The following TMEM218 variants were observed in gnomAD, a reference collection of about 807,000 sequenced individuals.
TMEM218 encodes transmembrane protein 218.
TMEM218 carries 8 observed loss-of-function variants against 10.0 expected under a neutral mutation model. That is an observed-to-expected ratio of 0.80 (90% CI 0.47 to 1.44). TMEM218 has a LOEUF of 1.44. TMEM218 is among the 40% of genes most tolerant of loss of function. The pLI, the probability that TMEM218 is intolerant of heterozygous loss-of-function variation, is 0.00. For synonymous variants in TMEM218, 66 were observed against 63.5 expected, an observed-to-expected ratio of 1.04 and a Z score of -0.18; for missense variants, 110 against 140.1, an observed-to-expected ratio of 0.79 and a Z score of 1.08.
Position 125,096,327 on chromosome 11 carries a change from T to G in TMEM218, c.*1279A>C, listed in dbSNP as rs1949645701. ...TGAAAACAGAATTGAGGAGAGAAAG[T>G]GAAGGAACAGTGTGGCCTTAACCTA... On this transcript the variant is annotated 3_prime_UTR_variant, in exon 5 of 5. Transcript: ENST00000682305. 6.6e-6 allele frequency among the ~76,000 whole-genome samples: 1 copy of G among 152,140 alleles called. No individual in the cohort carries two copies. The highest frequency in any genetic ancestry group is 2.4e-5 in the African/African-American group (1 of 41,414).
intron 1 of TMEM218, among the ~76,000 whole-genome samples, chr11:125,107,841 T>C (rs1373627200): frequency 6.9e-6 from 1 of 145,530 alleles, no homozygotes; most frequent in Non-Finnish European, 1.5e-5. Context: ...ATATAAAAGA[T>C]GAGTAAGATT....
chr11:125,100,989 T>C (rs1950628830), intron 4 of TMEM218, among the ~76,000 whole-genome samples: 1 of 152,168 alleles, frequency 6.6e-6, no homozygotes, highest in Non-Finnish European at 1.5e-5. Flanking sequence ...CTGGTGGGGT[T>C]GTAGATGGAA....
intron 2 of TMEM218, 182 bp from the exon 3 acceptor site, chr11:125,102,499 CTGAGAGGGT>C: frequency 6.8e-7 from 1 of 1,461,662 alleles, no homozygotes; most frequent in Non-Finnish European, 9.0e-7. Flanking sequence ...TTGGTGGGGA[CTGAGAGGGT>C]GTTTTCCGCT....
chr11:125,100,671 G>C (rs1204308540), intron 4 of TMEM218, among the ~76,000 whole-genome samples: 1 of 152,174 alleles, frequency 6.6e-6, no homozygotes, highest in Non-Finnish European at 1.5e-5. Flanking sequence ...AGACATGGGT[G>C]CTGGCAGGTA....
In TMEM218 at chr11:125,097,541, C is replaced by A. The variant is rs1321390912; in HGVS notation, c.*65G>T. On this transcript the variant is annotated 3_prime_UTR_variant, in exon 5 of 5. Transcript: ENST00000682305. ...TGTCAAAACAAGGCTCTGAATAGTG[C>A]CTTCCTGCTCATCAATGTCATCACA... 1.0e-5 allele frequency: 16 copies of A among 1,579,264 alleles called. No homozygotes were observed. Among genetic ancestry groups the A allele is most frequent in the Non-Finnish European group, 1.4e-5 (16 of 1,156,206 alleles).
At chr11:125,106,408 A>G (rs1952161170) in intron 1 of TMEM218, among the ~76,000 whole-genome samples, 1 of 152,240 alleles carries the variant, frequency 6.6e-6, no homozygotes, top group African/African-American at 2.4e-5. Flanking sequence ...ACCTAACAAC[A>G]AAACCTCCAA....
At chr11:125,109,167 T>A (rs1029760351) in intron 1 of TMEM218, among the ~76,000 whole-genome samples, 1 of 128,458 alleles carries the variant, frequency 7.8e-6, no homozygotes, top group Non-Finnish European at 1.7e-5. Context: ...TTGATCTATA[T>A]GTATTGATGT....
intron 1 of TMEM218, chr11:125,103,699 C>T (rs1275158772): frequency 6.6e-6 from 1 of 152,176 alleles, no homozygotes; most frequent in Non-Finnish European, 1.5e-5. Context: ...AGGATGCGGA[C>T]ATATATTTTT....
intron 1 of TMEM218, chr11:125,104,950 T>C (rs1214734469): frequency 6.6e-6 from 1 of 152,200 alleles, no homozygotes; most frequent in Non-Finnish European, 1.5e-5. Flanking sequence ...CCTAAAAGTC[T>C]ACGAGGGTCC....
In TMEM218 at chr11:125,102,775, C is replaced by G. The variant is rs549168681; in HGVS notation, c.-118G>C. ...AGACAGAAAGTTCCCACTCTGTTGT[C>G]GAGTTCTTATTCAAGAGGATGAAAA... On this transcript the variant is annotated 5_prime_UTR_variant, in exon 2 of 5. Transcript: ENST00000682305. The G allele has an allele frequency of 4.9e-6, 6 of 1,217,326 alleles. No individual in the cohort carries two copies. In the Admixed American group the frequency reaches 1.5e-4, roughly 31 times the overall value. The allele number at this position is 1,217,326 out of a possible 1,614,324, so 75.4% of individuals were successfully genotyped here.
At chr11:125,106,667 A>C (rs938606578) in intron 1 of TMEM218, among the ~76,000 whole-genome samples, 1 of 152,244 alleles carries the variant, frequency 6.6e-6, no homozygotes, top group African/African-American at 2.4e-5. Flanking sequence ...GGCTAACATG[A>C]AAACAACAGA....
intron 4 of TMEM218, among the ~76,000 whole-genome samples, chr11:125,099,965 C>T (rs1224314994): frequency 6.6e-6 from 1 of 151,426 alleles, no homozygotes; most frequent in African/African-American, 2.4e-5. Context: ...GTGAATTTGC[C>T]CCTGGCTCAC....
At position 125,102,294 on chromosome 11, in the gene TMEM218, T is replaced by A; in HGVS notation, c.-53A>T. On this transcript the variant is annotated 5_prime_UTR_variant, in exon 3 of 5. Transcript: ENST00000682305. ...GCCCTGCGCGCCGCACGATCGAGTGTCCTCTGTGCTCCAGTGCAACACACT... is the reference window on the plus strand; with the variant it reads ...GCCCTGCGCGCCGCACGATCGAGTGACCTCTGTGCTCCAGTGCAACACACT... The A allele has an allele frequency of 6.3e-7, 1 of 1,587,660 alleles. No homozygotes were observed. Among genetic ancestry groups the A allele is most frequent in the Non-Finnish European group, 8.6e-7 (1 of 1,168,430 alleles).
chr11:125,097,613 G>T lies in TMEM218; in HGVS notation c.341C>A (p.Ser114Tyr). Residue 114 changes from serine (S) to tyrosine (Y), a missense_variant, in exon 5 of 5, where the codon TCC (serine) becomes TAC (tyrosine). Transcript: ENST00000682305. The part of the protein sequence containing the change: ...LEPIYAKPLH[S>Y]Y Reference sequence around the variant, plus strand: ...CGTTTTCCTGAAGAGTGGTCAGTAGGAGTGCAGTGGTTTGGCATAGATCGG... The same window carrying T: ...CGTTTTCCTGAAGAGTGGTCAGTAGTAGTGCAGTGGTTTGGCATAGATCGG... 1 of 1,613,922 alleles carries T rather than the reference G, an allele frequency of 6.2e-7. No individual in the cohort carries two copies. The highest frequency in any genetic ancestry group is 1.1e-5 in the South Asian group (1 of 91,034).
intron 1 of TMEM218, among the ~76,000 whole-genome samples, chr11:125,107,373 T>C (rs572029346): frequency 3.3e-5 from 5 of 152,328 alleles, no homozygotes; most frequent in Admixed American, 2.0e-4. Context: ...TATTAAGAGA[T>C]GTATCAGCCA....
chr11:125,109,304 C>T lies in TMEM218; in HGVS notation c.-153+2235G>A, dbSNP rs182560282. On this transcript the variant is annotated intron_variant, in intron 1 of 4. Transcript: ENST00000682305. ...AGTAATATATATTGTTTCTGACGAACGTATATACAGCAAAAGTATAAAAAC... is the reference window on the plus strand; with the variant it reads ...AGTAATATATATTGTTTCTGACGAATGTATATACAGCAAAAGTATAAAAAC... Among the ~76,000 whole-genome samples, 14 of 151,902 alleles carry T rather than the reference C, an allele frequency of 9.2e-5. No individual in the cohort carries two copies. The East Asian group carries it at 1.5e-3, about 17-fold the overall frequency.
intron 1 of TMEM218, 53 bp downstream of exon 1, chr11:125,111,486 C>G: frequency 6.5e-6 from 1 of 152,814 alleles, no homozygotes; most frequent in Non-Finnish European, 1.5e-5. Flanking sequence ...CCAACCACCT[C>G]AGCCCGACCC....
Position 125,108,369 on chromosome 11 carries a change from A to C in TMEM218, c.-153+3170T>G, listed in dbSNP as rs1339483406. On this transcript the variant is annotated intron_variant, in intron 1 of 4. Coordinates refer to ENST00000682305, the MANE Select transcript of TMEM218 (RefSeq NM_001258244.2). This position sits in a 1 kb window ranked among gnomAD's most constrained non-coding sequence, Gnocchi z 5.3. ...AATGATTCTCCAATAGGAAAAGAAT[A>C]AAACTAGATCTCTATATGATATACA... is the stretch of plus-strand genomic sequence containing the variant. Among the ~76,000 whole-genome samples the C allele has an allele frequency of 6.6e-6, 1 of 152,252 alleles. No homozygotes were observed. The highest frequency in any genetic ancestry group is 1.5e-5 in the Non-Finnish European group (1 of 68,032).
chr11:125,098,587 G>C (rs777199251), intron 4 of TMEM218, among the ~76,000 whole-genome samples: 14 of 152,164 alleles, frequency 9.2e-5, no homozygotes, highest in Non-Finnish European at 1.5e-4. Flanking sequence ...CCAGTACCTA[G>C]GAGAATCCAA....
Sources: gnomAD v4.1 joint callset for allele counts (sites outside exome capture counted in the v4.1 genomes callset) on GRCh38, gnomAD v4.1.1 for gene constraint, Gnocchi (gnomAD v3.1) non-coding constraint, MANE v1.5 for transcripts, NCBI Gene and HGNC (gene_info 2026-07-23, HGNC 2026-07-21) for gene names.